KHDRBS1: variants seen among roughly 807,000 people sequenced by gnomAD.
The protein encoded by KHDRBS1 is KH domain-containing, RNA-binding, signal transduction-associated protein 1.
Under a neutral mutation model 48.4 loss-of-function variants are expected in KHDRBS1, and 7 were observed. The ratio of observed to expected loss-of-function variants is 0.14; its 90% confidence interval spans 0.08 to 0.27. The LOEUF is 0.27. Ranked by LOEUF, KHDRBS1 falls within the 10% of genes least tolerant of loss-of-function variation. The probability of loss-of-function intolerance (pLI) is 1.00; values close to 1 mark genes in which losing one functional copy is unlikely to be tolerated. For synonymous variants in KHDRBS1, 241 were observed against 235.8 expected, an observed-to-expected ratio of 1.02 and a Z score of -0.20; for missense variants, 458 against 601.2, an observed-to-expected ratio of 0.76 and a Z score of 2.49.
Position 32,024,693 on chromosome 1 carries a change from C to T in KHDRBS1, c.383-5605C>T, listed in dbSNP as rs61780243. 6.5e-3 allele frequency among the ~76,000 whole-genome samples: 990 copies of T among 152,042 alleles called. 3 individuals carry two copies. Among genetic ancestry groups the T allele is most frequent in the Non-Finnish European group, 0.01 (709 of 67,998 alleles). ...TTATGACCTAGAGATAGTTATTTAA[C>T]CTCTTTGAGTTTTTGTTGCCTCAGA... On this transcript the variant is annotated intron_variant, in intron 1 of 8. Coordinates refer to ENST00000327300, the MANE Select transcript of KHDRBS1 (RefSeq NM_006559.3).
intron 2 of KHDRBS1, 121 bp downstream of exon 2, chr1:32,030,543 T>C: frequency 2.7e-6 from 2 of 747,000 alleles, no homozygotes; most frequent in Non-Finnish European, 4.0e-6. Context: ...GAAGCTTCTC[T>C]TTCATGCTTG....
At chr1:32,035,935 G>A (rs139085122) in intron 4 of KHDRBS1, among the ~76,000 whole-genome samples, 186 of 152,248 alleles carry the variant, frequency 1.2e-3, no homozygotes, top group Non-Finnish European at 1.3e-3. Context: ...GGCAAGTCTT[G>A]TAAGGATGAA....
intron 4 of KHDRBS1, among the ~76,000 whole-genome samples, chr1:32,033,918 A>G (rs1255104060): frequency 3.3e-5 from 5 of 152,182 alleles, no homozygotes; most frequent in Non-Finnish European, 5.9e-5. Flanking sequence ...ATTACTGAGG[A>G]CTAGATAGAG....
rs141914331 is a variant in KHDRBS1, at chr1:32,060,282, GATCTGTCAGA to G, written n.1422_1431del. ...TCAGCAGTTTTCTTTCACTCTACTT[GATCTGTCAGA>G]TTTACCCACAGAAAGCCAGTCAGGA... On this transcript the variant is annotated non_coding_transcript_exon_variant, in exon 11 of 11. Transcript: ENST00000484270. The G allele has an allele frequency of 1.5e-3, 229 of 152,358 alleles. 1 individual carries two copies. Among genetic ancestry groups the G allele is most frequent in the African/African-American group, 5.4e-3 (223 of 41,546 alleles). 9.4% of individuals were successfully genotyped at this position (152,358 alleles called of 1,614,324 possible). A position where few individuals can be genotyped will look rare whatever the true frequency, so the allele number is the denominator to read the frequency against.
chr1:32,052,915 A>C (rs1639440060), intron 10 of KHDRBS1, among the ~76,000 whole-genome samples: 1 of 152,122 alleles, frequency 6.6e-6, no homozygotes, highest in Non-Finnish European at 1.5e-5. Flanking sequence ...CCGTAACCCC[A>C]AGGCAGGAGT....
At position 32,030,338 on chromosome 1, in the gene KHDRBS1, T is replaced by A; in HGVS notation, c.423T>A (p.Asp141Glu). The change falls in exon 2 of 9, where the codon GAT becomes GAA. Residue 141 changes from aspartate to glutamate, a missense_variant. Transcript: ENST00000327300. ...KIQKGDSKKD[D>E]EENYLDLFSH... is the part of the protein sequence containing the mutation. ...AGAAAGGAGACTCAAAAAAGGATGA[T>A]GAGGAGAATTACTTGGATTTATTTT... is the stretch of plus-strand genomic sequence containing the variant. The A allele has an allele frequency of 1.9e-6, 3 of 1,611,462 alleles. No individual in the cohort carries two copies. The highest frequency in any genetic ancestry group is 2.5e-6 in the Non-Finnish European group (3 of 1,178,168).
chr1:32,019,596 C>T (rs1277842877), intron 1 of KHDRBS1, among the ~76,000 whole-genome samples: 1 of 152,000 alleles, frequency 6.6e-6, no homozygotes, highest in East Asian at 1.9e-4. Flanking sequence ...AATGGATGAA[C>T]TATAGCTGCA....
intron 10 of KHDRBS1, chr1:32,052,839 C>A (rs1475264839): frequency 6.6e-6 from 1 of 152,134 alleles, no homozygotes; most frequent in Non-Finnish European, 1.5e-5. Flanking sequence ...ATGTTATTAT[C>A]CCATTTTTAC....
At chr1:32,014,403 G>A in intron 1 of KHDRBS1, 26 bp downstream of exon 1, 1 of 1,310,880 alleles carries the variant, frequency 7.6e-7, no homozygotes, top group Non-Finnish European at 9.8e-7. Flanking sequence ...GTGTCCCTCT[G>A]GGTCGCCCGG....
intron 1 of KHDRBS1, among the ~76,000 whole-genome samples, chr1:32,014,814 A>C (rs1638703067): frequency 6.6e-6 from 1 of 151,988 alleles, no homozygotes; most frequent in African/African-American, 2.4e-5. Context: ...GCGGGGAGGG[A>C]CCGTGGGAGG....
intron 10 of KHDRBS1, among the ~76,000 whole-genome samples, chr1:32,057,225 A>C (rs1261708966): frequency 1.3e-5 from 2 of 152,126 alleles, no homozygotes; most frequent in Non-Finnish European, 2.9e-5. Flanking sequence ...CTGTCATCCA[A>C]GCTGGAGCAC....
chr1:32,027,503 C>T (rs78183470), intron 1 of KHDRBS1, among the ~76,000 whole-genome samples: 1 of 152,318 alleles, frequency 6.6e-6, no homozygotes, highest in Non-Finnish European at 1.5e-5. Context: ...AAGCATTACT[C>T]TGTTAACTGT....
rs918062032 is a variant in KHDRBS1 at position 32,014,217 on chromosome 1, C to G, written c.222C>G (p.Pro74=). 5 of 1,471,502 alleles carry G rather than the reference C, an allele frequency of 3.4e-6. No individual in the cohort carries two copies. Among genetic ancestry groups the G allele is most frequent in the African/African-American group, 1.5e-5 (1 of 68,786 alleles). 91.2% of individuals were successfully genotyped at this position (1,471,502 alleles called of 1,614,324 possible). A position where few individuals can be genotyped will look rare whatever the true frequency, so the allele number is the denominator to read the frequency against. ...PPLLPPSATG[P]DATVGGPAPT... is the part of the protein sequence containing the mutation. ...TGCTGCCGCCCTCGGCCACGGGTCC[C>G]GACGCGACAGTGGGCGGGCCAGCGC... Residue 74 remains proline, a synonymous_variant, in exon 1 of 9, where the codon CCC becomes CCG. Coordinates refer to ENST00000327300, the MANE Select transcript of KHDRBS1 (RefSeq NM_006559.3).
intron 7 of KHDRBS1, 112 bp downstream of exon 7, chr1:32,038,731 T>A: frequency 1.0e-6 from 1 of 983,414 alleles, no homozygotes; most frequent in Non-Finnish European, 1.6e-6. Flanking sequence ...GTTCGCCTTT[T>A]GAGGGTATCT....
Position 32,020,381 on chromosome 1 carries a change from G to T in KHDRBS1, c.382+6004G>T, listed in dbSNP as rs568595391. ...GTCGAGGCTGCCTTGAGCTGAGATC[G>T]TGCCACTGCACTCCAGCTTGGGCAA... is the stretch of plus-strand genomic sequence containing the variant. On this transcript the variant is annotated intron_variant, in intron 1 of 8. Coordinates refer to ENST00000327300, the MANE Select transcript of KHDRBS1 (RefSeq NM_006559.3). Among the ~76,000 whole-genome samples, 3 of 150,340 alleles carry T rather than the reference G, an allele frequency of 2.0e-5. No homozygotes were observed. The East Asian group carries it at 5.8e-4, about 29-fold the overall frequency.
chr1:32,039,275 A>T (rs1639239498), intron 7 of KHDRBS1, among the ~76,000 whole-genome samples: 1 of 152,106 alleles, frequency 6.6e-6, no homozygotes, highest in South Asian at 2.1e-4. Context: ...TCAATTTAGG[A>T]TTGTGCTTTT....
intron 1 of KHDRBS1, among the ~76,000 whole-genome samples, chr1:32,020,618 A>T (rs1024919570): frequency 8.4e-4 from 112 of 133,942 alleles, no homozygotes; most frequent in Middle Eastern, 3.6e-3. Flanking sequence ...CTGTGCAATA[A>T]AAAAAAAAAA....
At chr1:32,018,581 C>T (rs988507580) in intron 1 of KHDRBS1, among the ~76,000 whole-genome samples, 20 of 151,814 alleles carry the variant, frequency 1.3e-4, no homozygotes, top group African/African-American at 4.8e-4. Context: ...CAGTGAAACC[C>T]CGTCTCTACT....
At chr1:32,022,980 G>A (rs1447513045) in intron 1 of KHDRBS1, among the ~76,000 whole-genome samples, 2 of 151,954 alleles carry the variant, frequency 1.3e-5, no homozygotes, top group Non-Finnish European at 2.9e-5. Flanking sequence ...AATTTTCCCA[G>A]ACTTCTCTAA....
Sources: allele counts gnomAD v4.1 joint callset (sites outside exome capture counted in the v4.1 genomes callset), GRCh38; gene constraint gnomAD v4.1.1; transcripts MANE v1.5; gene names NCBI Gene and HGNC (gene_info 2026-07-23, HGNC 2026-07-21).